Variants in TMEM132B observed in about 807,000 individuals in gnomAD.
TMEM132B encodes the protein transmembrane protein 132B.
Under a neutral mutation model 90.8 loss-of-function variants are expected in TMEM132B, and 18 were observed. The ratio of observed to expected loss-of-function variants is 0.20; its 90% CI spans 0.14 to 0.29. The LOEUF is 0.29. TMEM132B is among the 10% of genes least tolerant of loss of function. The pLI is 1.00. For missense variants in TMEM132B, 1,096 were observed against 1,326.8 expected, an observed-to-expected ratio of 0.83 and a Z score of 2.70; for synonymous variants, 504 against 523.3, an observed-to-expected ratio of 0.96 and a Z score of 0.50.
intron 5 of TMEM132B, chr12:125,622,359 C>A: frequency 2.1e-6 from 1 of 477,104 alleles, no homozygotes; most frequent in Non-Finnish European, 2.7e-6. Context: ...TAATGTAAAT[C>A]AAAGGTTCCC....
intron 5 of TMEM132B, among the ~76,000 whole-genome samples, chr12:125,624,540 G>T (rs1386758468): frequency 1.3e-5 from 2 of 152,106 alleles, no homozygotes; most frequent in Non-Finnish European, 2.9e-5. Flanking sequence ...GGTGACTGGG[G>T]ATTCCTCAAG....
chr12:125,515,429 T>TCACA (rs1566059892), intron 3 of TMEM132B, among the ~76,000 whole-genome samples: 2 of 118,380 alleles, frequency 1.7e-5, no homozygotes, highest in African/African-American at 7.3e-5. Context: ...TCACACACTC[T>TCACA]CACACATACA....
chr12:125,391,821 C>T (rs1879031524), intron 2 of TMEM132B, among the ~76,000 whole-genome samples: 1 of 152,028 alleles, frequency 6.6e-6, no homozygotes, highest in Non-Finnish European at 1.5e-5. Context: ...CTGGAGTGCA[C>T]AGTGACATGA....
At chr12:125,223,786 A>G (rs1327809456) in intron 1 of TMEM132B, among the ~76,000 whole-genome samples, 1 of 150,744 alleles carries the variant, frequency 6.6e-6, no homozygotes, top group Non-Finnish European at 1.5e-5. Flanking sequence ...TTCACTTTGT[A>G]TAATATTTTT....
At chr12:125,495,568 C>G (rs189242207) in intron 3 of TMEM132B, among the ~76,000 whole-genome samples, 36 of 152,292 alleles carry the variant, frequency 2.4e-4, no homozygotes, top group Admixed American at 5.2e-4. Context: ...TATTATTTCT[C>G]TTATTCACAC....
chr12:125,316,393 C>T (rs1053316343), intron 1 of TMEM132B, among the ~76,000 whole-genome samples: 4 of 152,220 alleles, frequency 2.6e-5, no homozygotes, highest in Admixed American at 2.0e-4. Context: ...TCTTCGCACT[C>T]TTTCTCTTTC....
At chr12:125,340,809 C>T (rs1877156441) in intron 1 of TMEM132B, among the ~76,000 whole-genome samples, 1 of 152,206 alleles carries the variant, frequency 6.6e-6, no homozygotes, top group Non-Finnish European at 1.5e-5. Flanking sequence ...CACCGCTGGG[C>T]CCTCTGGAAA....
chr12:125,363,492 C>T (rs750791457), intron 2 of TMEM132B, among the ~76,000 whole-genome samples: 1 of 152,136 alleles, frequency 6.6e-6, no homozygotes, highest in Non-Finnish European at 1.5e-5. Flanking sequence ...GAAATTTAAC[C>T]CTATGAGATA....
At position 125,418,423 on chromosome 12, in the gene TMEM132B, G is replaced by A. The variant is rs531463991; in HGVS notation, c.1106+2746G>A. Among the ~76,000 whole-genome samples, 8 of 152,128 alleles carry A rather than the reference G, an allele frequency of 5.3e-5. No individual in the cohort carries two copies. In the South Asian group the frequency reaches 1.7e-3, roughly 32 times the overall value. On this transcript the variant is annotated intron_variant, in intron 3 of 8. Coordinates refer to ENST00000682704, the MANE Select transcript of TMEM132B (RefSeq NM_001366854.1). The stretch of plus-strand genomic sequence containing the variant: ...CTGACCTCCCTTGGGCCCTAAGAAG[G>A]GCAGGGATTGTCACTTTGGCATGAC...
At chr12:125,596,411 AC>A (rs1237445399) in intron 5 of TMEM132B, among the ~76,000 whole-genome samples, 4 of 152,248 alleles carry the variant, frequency 2.6e-5, no homozygotes, top group Admixed American at 2.6e-4. Context: ...CTACTCATAT[AC>A]CCAATTTATT....
intron 2 of TMEM132B, among the ~76,000 whole-genome samples, chr12:125,363,748 A>G (rs760767706): frequency 2.6e-5 from 4 of 152,158 alleles, no homozygotes; most frequent in Non-Finnish European, 5.9e-5. Flanking sequence ...AAGATAAGTG[A>G]CTTCCTCAAA....
chr12:125,619,336 ATTTATTTATT>A (rs1886064897), intron 5 of TMEM132B, among the ~76,000 whole-genome samples: 2 of 330 alleles, frequency 6.1e-3, no homozygotes, highest in Non-Finnish European at 0.023. Flanking sequence ...ATTTATATTT[ATTTATTTATT>A]TATTTATTTA....
At chr12:125,343,974 C>T (rs909248257) in intron 1 of TMEM132B, among the ~76,000 whole-genome samples, 3 of 152,170 alleles carry the variant, frequency 2.0e-5, no homozygotes, top group African/African-American at 2.4e-5. Flanking sequence ...TTCTCTCAAG[C>T]GTTAAACCAA....
At chr12:125,562,268 G>C (rs749731457) in intron 4 of TMEM132B, among the ~76,000 whole-genome samples, 4 of 152,180 alleles carry the variant, frequency 2.6e-5, no homozygotes, top group Non-Finnish European at 5.9e-5. Flanking sequence ...CTTGGAATTA[G>C]GCTTTGGCTG....
At chr12:125,241,596 T>C (rs1874069527) in intron 1 of TMEM132B, among the ~76,000 whole-genome samples, 2 of 152,206 alleles carry the variant, frequency 1.3e-5, no homozygotes, top group Admixed American at 6.5e-5. Flanking sequence ...CAGCATCACC[T>C]TCTGTTGAGC....
chr12:125,233,611 G>C (rs1873870736), intron 1 of TMEM132B, among the ~76,000 whole-genome samples: 1 of 152,202 alleles, frequency 6.6e-6, no homozygotes, highest in Non-Finnish European at 1.5e-5. Context: ...AAATAAACTT[G>C]GGGTTCCCTT....
chr12:125,397,198 C>T (rs540086077), intron 2 of TMEM132B, among the ~76,000 whole-genome samples: 2 of 152,226 alleles, frequency 1.3e-5, no homozygotes, highest in East Asian at 3.9e-4. Flanking sequence ...GTCTCCATCT[C>T]CTGACCTCGT....
rs571120357 is a variant in TMEM132B, at chr12:125,479,537, G to A, written c.1107-39902G>A. Among the ~76,000 whole-genome samples, 283 of 152,204 alleles carry A rather than the reference G, an allele frequency of 1.9e-3. 4 individuals carry two copies. The highest frequency in any genetic ancestry group is 6.2e-3 in the African/African-American group (256 of 41,522). On this transcript the variant is annotated intron_variant, in intron 3 of 8. Transcript: ENST00000682704. The stretch of plus-strand genomic sequence containing the variant: ...AGAAGGCTATTACATAATGGTAAAG[G>A]GAACAATTCAACAAGAAGAGCTAAC...
intron 2 of TMEM132B, among the ~76,000 whole-genome samples, chr12:125,390,690 T>C (rs1382161605): frequency 1.3e-5 from 2 of 152,220 alleles, no homozygotes; most frequent in African/African-American, 4.8e-5. Context: ...AAGTAGCATC[T>C]AAGGAGAGGG....
Sources: gnomAD v4.1 joint callset for allele counts (sites outside exome capture counted in the v4.1 genomes callset) on GRCh38, gnomAD v4.1.1 for gene constraint, MANE v1.5 for transcripts, NCBI Gene and HGNC (gene_info 2026-07-23, HGNC 2026-07-21) for gene names.